The following ZEB1 variants were observed in gnomAD, a reference collection of about 807,000 sequenced individuals.
ZEB1 encodes the protein zinc finger E-box-binding homeobox 1.
A neutral mutation model predicts 84.9 loss-of-function variants in ZEB1; 21 were observed. The observed-to-expected ratio is 0.25, with a 90% CI of 0.18 to 0.36. The LOEUF is 0.36. ZEB1 is among the 10% of genes least tolerant of loss of function. ZEB1 has a pLI of 1.00. For missense variants in ZEB1, 1,104 were observed against 1,330.2 expected (o/e 0.83, Z 2.65); for synonymous variants, 420 against 471.1 (o/e 0.89, Z 1.41).
At chr10:31,471,540 G>C (rs1046159617) in intron 2 of ZEB1, among the ~76,000 whole-genome samples, 11 of 145,820 alleles carry the variant, frequency 7.5e-5, no homozygotes, top group African/African-American at 2.5e-4. Flanking sequence ...ACCCAATACA[G>C]GAGCACCCAG....
chr10:31,502,617 A>C, intron 4 of ZEB1, 108 bp downstream of exon 4: 1 of 1,394,776 alleles, frequency 7.2e-7, no homozygotes, highest in Non-Finnish European at 1.0e-6. Flanking sequence ...TTGAAGACCA[A>C]ACTTTATTAC....
chr10:31,519,159 A>G (rs1478988562), intron 6 of ZEB1, among the ~76,000 whole-genome samples: 1 of 152,188 alleles, frequency 6.6e-6, no homozygotes, highest in African/African-American at 2.4e-5. Flanking sequence ...ATAAATGGCA[A>G]ACAAGCCTCA....
At chr10:31,432,184 A>G (rs911473150) in intron 1 of ZEB1, among the ~76,000 whole-genome samples, 1 of 152,242 alleles carries the variant, frequency 6.6e-6, no homozygotes, top group Non-Finnish European at 1.5e-5. Flanking sequence ...GATGAAAGAA[A>G]TGTTCTCTAT....
At chr10:31,483,392 G>C (rs894457585) in intron 2 of ZEB1, among the ~76,000 whole-genome samples, 3 of 151,854 alleles carry the variant, frequency 2.0e-5, no homozygotes, top group African/African-American at 7.3e-5. Context: ...TTCAAACCCA[G>C]GTCTATTTGA....
At chr10:31,318,707 A>C, upstream of ZEB1, 1 of 154,976 alleles carries the variant, frequency 6.5e-6, no homozygotes, top group Admixed American at 6.5e-5. Context: ...GGGGGCGGAC[A>C]CGCGAGGCGT....
At chr10:31,362,852 G>A (rs2043569309) in intron 1 of ZEB1, 5 of 1,147,024 alleles carry the variant, frequency 4.4e-6, no homozygotes, top group Non-Finnish European at 6.3e-6. Flanking sequence ...CTCCTCCTAA[G>A]CAACTGTCTT....
At chr10:31,424,945 G>A (rs561918462) in intron 1 of ZEB1, among the ~76,000 whole-genome samples, 1 of 152,090 alleles carries the variant, frequency 6.6e-6, no homozygotes, top group African/African-American at 2.4e-5. Flanking sequence ...CGGTCCTTAA[G>A]TGGAGCATCA....
In ZEB1 at chr10:31,520,934, G is replaced by A; in HGVS notation, c.1602G>A (p.Leu534=). 6.2e-7 allele frequency: 1 copy of A among 1,614,120 alleles called. No homozygotes were observed. Among genetic ancestry groups the A allele is most frequent in the Non-Finnish European group, 8.5e-7 (1 of 1,180,012 alleles). Residue 534 remains leucine (L), a synonymous_variant, in exon 7 of 9, where the codon CTG becomes CTA. Transcript: ENST00000424869. The surrounding 1 kb of genome is among the most constrained non-coding windows in gnomAD (Gnocchi z 5.1). ...EGGVNDSTCL[L]CDDCPGDINA... The stretch of plus-strand genomic sequence containing the variant: ...GGGTGAATGATAGCACTTGTCTTCT[G>A]TGTGATGATTGTCCAGGAGATATTA...
chr10:31,523,307 A>G (rs942398510), intron 7 of ZEB1, among the ~76,000 whole-genome samples: 6 of 152,166 alleles, frequency 3.9e-5, no homozygotes, highest in South Asian at 4.1e-4. Context: ...GTTCATTTTG[A>G]TTAGCAATTA....
At chr10:31,452,829 C>G (rs1178445609) in intron 1 of ZEB1, among the ~76,000 whole-genome samples, 3 of 149,420 alleles carry the variant, frequency 2.0e-5, no homozygotes, top group African/African-American at 7.4e-5. Context: ...AACACTTGGT[C>G]AGTGTTTCCA....
chr10:31,436,049 A>G (rs1050435106), intron 1 of ZEB1, among the ~76,000 whole-genome samples: 2 of 152,156 alleles, frequency 1.3e-5, no homozygotes, highest in African/African-American at 2.4e-5. Context: ...GATGTCTGGG[A>G]AATTGAATAT....
intron 1 of ZEB1, among the ~76,000 whole-genome samples, chr10:31,450,821 TTTTAA>T (rs1335684869): frequency 2.6e-5 from 4 of 152,202 alleles, no homozygotes; most frequent in Non-Finnish European, 5.9e-5. Flanking sequence ...TGCTTCATTC[TTTTAA>T]TTTAATATTT....
chr10:31,424,342 C>G (rs910401733), intron 1 of ZEB1, among the ~76,000 whole-genome samples: 5 of 151,846 alleles, frequency 3.3e-5, no homozygotes, highest in African/African-American at 1.2e-4. Context: ...GAATAATGCC[C>G]AGAGGCTTAG....
intron 1 of ZEB1, chr10:31,387,219 G>A (rs1485013306): frequency 2.0e-6 from 2 of 985,672 alleles, no homozygotes; most frequent in Admixed American, 6.2e-5. Context: ...TGGAGGTGTG[G>A]GGTGTGAGAA....
intron 1 of ZEB1, among the ~76,000 whole-genome samples, chr10:31,457,226 T>C (rs1458674583): frequency 6.6e-6 from 1 of 152,176 alleles, no homozygotes; most frequent in Admixed American, 6.5e-5. Flanking sequence ...ACAGAACATT[T>C]AGATAACTGA....
At chr10:31,501,908 A>C (rs539037810) in intron 3 of ZEB1, among the ~76,000 whole-genome samples, 1 of 152,188 alleles carries the variant, frequency 6.6e-6, no homozygotes, top group Non-Finnish European at 1.5e-5. Flanking sequence ...AACTGAAACC[A>C]TGGAAAATGA....
At chr10:31,371,513 T>C (rs970016235) in intron 1 of ZEB1, among the ~76,000 whole-genome samples, 2 of 152,152 alleles carry the variant, frequency 1.3e-5, no homozygotes, top group Non-Finnish European at 2.9e-5. Context: ...TTTTCTGCTT[T>C]AAAAAATGCT....
At chr10:31,373,355 AAG>A (rs1187573347) in intron 1 of ZEB1, among the ~76,000 whole-genome samples, 1 of 151,908 alleles carries the variant, frequency 6.6e-6, no homozygotes, top group African/African-American at 2.4e-5. Context: ...TTTTATAGAT[AAG>A]AGATTTTACA....
chr10:31,333,729 A>G (rs2037333783), intron 1 of ZEB1, among the ~76,000 whole-genome samples: 2 of 152,240 alleles, frequency 1.3e-5, no homozygotes, highest in South Asian at 4.1e-4. Flanking sequence ...ATTACAGTGC[A>G]TATGAGTTGA....
Sources: gnomAD v4.1 joint callset for allele counts (sites outside exome capture counted in the v4.1 genomes callset) on GRCh38, gnomAD v4.1.1 for gene constraint, Gnocchi (gnomAD v3.1) non-coding constraint, MANE v1.5 for transcripts, NCBI Gene and HGNC (gene_info 2026-07-23, HGNC 2026-07-21) for gene names.